The following SEMA4B variants were observed in gnomAD, a reference collection of about 807,000 sequenced individuals.
The protein encoded by SEMA4B is semaphorin 4B, also known as semaphorin-4B.
A neutral mutation model predicts 88.1 loss-of-function variants in SEMA4B; 55 were observed. The observed-to-expected ratio is 0.62, with a 90% confidence interval of 0.50 to 0.78. The LOEUF (loss-of-function observed/expected upper bound fraction) is 0.78, where lower values mean the gene tolerates loss of function less well. Among genes scored for constraint, SEMA4B ranks in the 30% least tolerant of loss-of-function variants. The pLI is 0.00. For missense variants in SEMA4B, 1,062 were observed against 1,111.9 expected, an observed-to-expected ratio of 0.96 and a Z score of 0.64; for synonymous variants, 525 against 473.6, an observed-to-expected ratio of 1.11 and a Z score of -1.41.
At chr15:90,209,926 G>A (rs1455239985) in intron 1 of SEMA4B, among the ~76,000 whole-genome samples, 1 of 152,164 alleles carries the variant, frequency 6.6e-6, no homozygotes, top group Non-Finnish European at 1.5e-5. Context: ...GAGCTTGGAC[G>A]ACGGGGTGCT....
At position 90,201,503 on chromosome 15, in the gene SEMA4B, G is replaced by A; in HGVS notation, c.-76G>A. The A allele has an allele frequency of 6.1e-6, 8 of 1,318,872 alleles. No individual in the cohort carries two copies. Among genetic ancestry groups the A allele is most frequent in the Non-Finnish European group, 7.7e-6 (8 of 1,037,682 alleles). The allele number at this position is 1,318,872 out of a possible 1,614,324, so 81.7% of individuals were successfully genotyped here. ...GGGGCGACTCGGGGGCGGACCGCGG[G>A]GCGGAGCTGCCGCCCGTGAGTCCGG... On this transcript the variant is annotated 5_prime_UTR_variant, in exon 1 of 14. Coordinates refer to ENST00000411539, the MANE Select transcript of SEMA4B (RefSeq NM_198925.4).
Position 90,213,068 on chromosome 15 carries a change from G to C in SEMA4B, c.158-4371G>C, listed in dbSNP as rs540353409. On this transcript the variant is annotated intron_variant, in intron 1 of 13. Coordinates refer to ENST00000411539, the MANE Select transcript of SEMA4B (RefSeq NM_198925.4). ...CACCATGCCACACTGCAAACCATGT[G>C]CAACGTTGTTTTAGCAAAGCTGTCT... Among the ~76,000 whole-genome samples, 180 of 152,276 alleles carry C rather than the reference G, an allele frequency of 1.2e-3. 1 individual carries two copies. Among genetic ancestry groups the C allele is most frequent in the African/African-American group, 4.3e-3 (179 of 41,552 alleles).
chr15:90,201,339 T>G lies in SEMA4B; in HGVS notation c.-240T>G. 2 of 1,192,560 alleles carry G rather than the reference T, an allele frequency of 1.7e-6. No homozygotes were observed. Among genetic ancestry groups the G allele is most frequent in the East Asian group, 3.7e-5 (1 of 27,010 alleles). 73.9% of individuals were successfully genotyped at this position (1,192,560 alleles called of 1,614,324 possible). ...AGCCCCGCCCTCCGCCGCTTGCGGGTGAGCTCTGCCCAAGCCGAGGCTGCG... is the reference window on the plus strand; with the variant it reads ...AGCCCCGCCCTCCGCCGCTTGCGGGGGAGCTCTGCCCAAGCCGAGGCTGCG... On this transcript the variant is annotated 5_prime_UTR_variant, in exon 1 of 14. Coordinates refer to ENST00000411539, the MANE Select transcript of SEMA4B (RefSeq NM_198925.4).
chr15:90,190,123 C>T (rs766645533), intron 1 of SEMA4B, among the ~76,000 whole-genome samples: 1 of 152,184 alleles, frequency 6.6e-6, no homozygotes, highest in Non-Finnish European at 1.5e-5. Flanking sequence ...CCAGCCGGAC[C>T]CTCATTCACA....
intron 1 of SEMA4B, among the ~76,000 whole-genome samples, chr15:90,211,162 AG>A (rs1304457983): frequency 6.6e-6 from 1 of 152,118 alleles, no homozygotes; most frequent in Non-Finnish European, 1.5e-5. Flanking sequence ...AGAGGGACTG[AG>A]CGTGTCCCTG....
intron 7 of SEMA4B, among the ~76,000 whole-genome samples, chr15:90,222,254 C>CT (rs1156919489): frequency 0.045 from 3,077 of 68,796 alleles, 48 homozygotes; most frequent in African/African-American, 0.11. Flanking sequence ...TTTTTCTTTT[C>CT]TTTTTTTTTT....
chr15:90,188,738 G>A (rs1385443679), intron 1 of SEMA4B, among the ~76,000 whole-genome samples: 2 of 152,012 alleles, frequency 1.3e-5, no homozygotes, highest in African/African-American at 4.8e-5. Flanking sequence ...CGCTATCTCG[G>A]CTCACTGCAA....
rs375917895 is a variant in SEMA4B, at chr15:90,221,762, C to T, written c.858C>T (p.Cys286=). 3.7e-6 allele frequency: 6 copies of T among 1,613,618 alleles called. No individual in the cohort carries two copies. The African/African-American group carries it at 4.0e-5, about 11-fold the overall frequency. ...TTGTGTCCCGCATTGCCCGCATCTG[C>T]AAGGTGAGGGGAACGGGCTGACAGG... ...NTIVSRIARI[C]KGDEGGERVL... Residue 286 remains cysteine (C), a synonymous_variant, in exon 7 of 14, where the codon TGC becomes TGT. Transcript: ENST00000411539.
intron 1 of SEMA4B, among the ~76,000 whole-genome samples, chr15:90,205,394 G>A (rs1355400606): frequency 1.3e-5 from 2 of 152,154 alleles, no homozygotes; most frequent in Non-Finnish European, 2.9e-5. Context: ...CTGTCCTATG[G>A]GCCAGCATCT....
Position 90,219,732 on chromosome 15 carries a change from C to T in SEMA4B, c.385-61C>T, listed in dbSNP as rs954377466. On this transcript the variant is annotated intron_variant, in intron 3 of 13. Transcript: ENST00000411539. ...CCTGGGTGTGGAAGGGGGGGCTCGG[C>T]GGTGCCCCCTGGTGGCATGCTTGGG... The T allele has an allele frequency of 6.6e-5, 89 of 1,342,456 alleles. 2 individuals carry two copies. The highest frequency in any genetic ancestry group is 5.1e-4 in the African/African-American group (35 of 69,204). The allele number at this position is 1,342,456 out of a possible 1,614,324, so 83.2% of individuals were successfully genotyped here.
intron 1 of SEMA4B, among the ~76,000 whole-genome samples, chr15:90,202,474 C>T (rs1438372002): frequency 5.9e-5 from 9 of 152,214 alleles, no homozygotes; most frequent in Non-Finnish European, 1.3e-4. Context: ...CTGTGGCCAC[C>T]TCCTGTTTCA....
At position 90,225,023 on chromosome 15, in the gene SEMA4B, A is replaced by G; in HGVS notation, c.1250A>G (p.Asp417Gly). ...ATCAACTCATCCCTGCAGCTCCCAG[A>G]CCGCGTGCTGAACTTCCTCAAGGAC... Reference protein sequence around the residue: ...RKINSSLQLPDRVLNFLKDHF... With the variant: ...RKINSSLQLPGRVLNFLKDHF... Residue 417 changes from aspartate (D) to glycine (G), a missense_variant, in exon 10 of 14, where the codon GAC becomes GGC. Physicochemically the swap from Asp to Gly is moderately conservative, Grantham distance 94. Coordinates refer to ENST00000411539, the MANE Select transcript of SEMA4B (RefSeq NM_198925.4). The G allele has an allele frequency of 2.5e-6, 4 of 1,613,934 alleles. No homozygotes were observed. The highest frequency in any genetic ancestry group is 3.4e-6 in the Non-Finnish European group (4 of 1,179,858).
At chr15:90,198,439 T>G (rs1268371582), upstream of SEMA4B, among the ~76,000 whole-genome samples, 3 of 152,192 alleles carry the variant, frequency 2.0e-5, no homozygotes, top group Non-Finnish European at 4.4e-5. Flanking sequence ...CAGTCAGCAT[T>G]CTGGGGGAGA....
At position 90,210,558 on chromosome 15, in the gene SEMA4B, T is replaced by A. The variant is rs1344189524; in HGVS notation, c.158-6881T>A. 2.3e-4 allele frequency among the ~76,000 whole-genome samples: 35 copies of A among 152,130 alleles called. 2 individuals carry two copies. Among genetic ancestry groups the A allele is most frequent in the Admixed American group, 2.3e-3 (35 of 15,270 alleles). On this transcript the variant is annotated intron_variant, in intron 1 of 13. Coordinates refer to ENST00000411539, the MANE Select transcript of SEMA4B (RefSeq NM_198925.4). The stretch of plus-strand genomic sequence containing the variant: ...CCCACCACTCCTCCCGGGGATGACT[T>A]GCACCTGAAACAGAGGTAATAAAAC...
chr15:90,227,904 G>C lies in SEMA4B; in HGVS notation c.1775G>C (p.Gly592Ala), dbSNP rs776913680. Residue 592 changes from glycine (G) to alanine (A), a missense_variant and splice_region_variant, in exon 14 of 14, where the codon GGG becomes GCG. Coordinates refer to ENST00000411539, the MANE Select transcript of SEMA4B (RefSeq NM_198925.4). ...TACCCCATGCCTTTTCTGCCTACAG[G>C]GGAGAAGCCATGTGAGCAAGTCCAG... Reference protein sequence around the residue: ...SVVSPSFVPTGEKPCEQVQFQ... With the variant: ...SVVSPSFVPTAEKPCEQVQFQ... The C allele has an allele frequency of 6.2e-7, 1 of 1,610,988 alleles. No individual in the cohort carries two copies. Among genetic ancestry groups the C allele is most frequent in the Non-Finnish European group, 8.5e-7 (1 of 1,179,814 alleles).
Position 90,207,747 on chromosome 15 carries a change from A to G in SEMA4B, c.157+6012A>G, listed in dbSNP as rs2151601400. Among the ~76,000 whole-genome samples the G allele has an allele frequency of 2.6e-5, 4 of 152,326 alleles. No individual in the cohort carries two copies. The East Asian group carries it at 5.8e-4, about 22-fold the overall frequency. ...CAGGTTATATTTTTCCATCTGTTAA[A>G]GAAATCTGTTGAGGTCAGTCTCTGG... On this transcript the variant is annotated intron_variant, in intron 1 of 13. Transcript: ENST00000411539.
rs1213488815 is a variant in SEMA4B at position 90,201,711 on chromosome 15, A to G, written c.133A>G (p.Ser45Gly). 3.3e-6 allele frequency: 5 copies of G among 1,493,176 alleles called. No homozygotes were observed. The highest frequency in any genetic ancestry group is 4.4e-6 in the Non-Finnish European group (5 of 1,126,852). 92.5% of individuals were successfully genotyped at this position (1,493,176 alleles called of 1,614,324 possible). A position where few individuals can be genotyped will look rare whatever the true frequency, so the allele number is the denominator to read the frequency against. The part of the protein sequence containing the change: ...LQPPPPTWAL[S>G]PRISLPLGSE... The stretch of plus-strand genomic sequence containing the variant: ...GCCGCCGCCTCCGACCTGGGCGCTC[A>G]GCCCCCGGATCAGCCTGCCTCTGGG... Residue 45 changes from serine to glycine, a missense_variant, in exon 1 of 14, where the codon AGC becomes GGC. By Grantham distance (56) the Ser-to-Gly change is moderately conservative. Transcript: ENST00000411539.
At position 90,201,577 on chromosome 15, in the gene SEMA4B, G is replaced by T; in HGVS notation, c.-2G>T. 1 of 1,493,734 alleles carries T rather than the reference G, an allele frequency of 6.7e-7. No homozygotes were observed. The highest frequency in any genetic ancestry group is 1.2e-5 in the South Asian group (1 of 80,176). 92.5% of individuals were successfully genotyped at this position (1,493,734 alleles called of 1,614,324 possible). On this transcript the variant is annotated 5_prime_UTR_variant, in exon 1 of 14. Transcript: ENST00000411539. ...CGGGACACCGTCGCTCCTGCTCTCCGAATGCTGCGCACCGCGATGGGCCTG... is the reference window on the plus strand; with the variant it reads ...CGGGACACCGTCGCTCCTGCTCTCCTAATGCTGCGCACCGCGATGGGCCTG...
At position 90,229,108 on chromosome 15, in the gene SEMA4B, C is replaced by T. The variant is rs140435988; in HGVS notation, c.*465C>T. 17 of 354,112 alleles carry T rather than the reference C, an allele frequency of 4.8e-5. No homozygotes were observed. The highest frequency in any genetic ancestry group is 1.3e-4 in the African/African-American group (6 of 46,608). The allele number at this position is 354,112 out of a possible 1,614,324, so 21.9% of individuals were successfully genotyped here. On this transcript the variant is annotated 3_prime_UTR_variant, in exon 14 of 14. Coordinates refer to ENST00000411539, the MANE Select transcript of SEMA4B (RefSeq NM_198925.4). Reference sequence around the variant, plus strand: ...ACCTTCCACATTATCCCGCTGCCACCGGCTGCCCTGTCTCACTGCAGATTC... The same window carrying T: ...ACCTTCCACATTATCCCGCTGCCACTGGCTGCCCTGTCTCACTGCAGATTC...
Sources: allele counts gnomAD v4.1 joint callset (sites outside exome capture counted in the v4.1 genomes callset), GRCh38; gene constraint gnomAD v4.1.1; transcripts MANE v1.5; gene names NCBI Gene and HGNC (gene_info 2026-07-23, HGNC 2026-07-21).